Variants in KIRREL3 observed in about 807,000 individuals in gnomAD.
KIRREL3 encodes kin of IRRE-like protein 3.
In KIRREL3, 36 loss-of-function variants were observed where a neutral mutation model predicts 89.7. That is an observed-to-expected ratio of 0.40 (90% CI 0.31 to 0.53). The LOEUF is 0.53. Ranked by LOEUF, KIRREL3 falls within the 20% of genes least tolerant of loss-of-function variation. The probability of loss-of-function intolerance (pLI) is 0.49; values close to 1 mark genes in which losing one functional copy is unlikely to be tolerated. For missense variants in KIRREL3, 864 were observed against 1,056.6 expected (o/e 0.82, Z 2.53); for synonymous variants, 445 against 441.4 (o/e 1.01, Z -0.10).
chr11:126,836,260 CT>C (rs755487448), intron 1 of KIRREL3, among the ~76,000 whole-genome samples: 2 of 152,186 alleles, frequency 1.3e-5, no homozygotes, highest in Non-Finnish European at 2.9e-5. Flanking sequence ...AATGTGGTCT[CT>C]TGAGAGACCT....
At position 126,581,837 on chromosome 11, in the gene KIRREL3, G is replaced by A. The variant is rs114935799; in HGVS notation, c.56-18925C>T. 5.8e-3 allele frequency among the ~76,000 whole-genome samples: 889 copies of A among 152,274 alleles called. 5 individuals are homozygous for A. The highest frequency in any genetic ancestry group is 0.02 in the African/African-American group (845 of 41,542). ...CACCTCACACACGAGAGGCTCTGCT[G>A]TCCTGACGTGGCACGGAAGGGAATG... On this transcript the variant is annotated intron_variant, in intron 1 of 16. Coordinates refer to ENST00000525144, the MANE Select transcript of KIRREL3 (RefSeq NM_032531.4).
intron 1 of KIRREL3, among the ~76,000 whole-genome samples, chr11:126,662,515 T>G (rs1945453242): frequency 6.6e-6 from 1 of 152,198 alleles, no homozygotes; most frequent in African/African-American, 2.4e-5. Flanking sequence ...GTGAGGGCCT[T>G]CTTGCTGCAT....
chr11:126,900,105 C>A lies in KIRREL3; in HGVS notation c.55+100350G>T, dbSNP rs183924147. On this transcript the variant is annotated intron_variant, in intron 1 of 16. Coordinates refer to ENST00000525144, the MANE Select transcript of KIRREL3 (RefSeq NM_032531.4). The surrounding 1 kb of genome is among the most constrained non-coding windows in gnomAD (Gnocchi z 4.4). ...TCTGCTCTCCAAATCAATTGTTTTGCACAATGGAGACACACTCCTTGGGTC... is the reference window on the plus strand; with the variant it reads ...TCTGCTCTCCAAATCAATTGTTTTGAACAATGGAGACACACTCCTTGGGTC... 1.3e-5 allele frequency among the ~76,000 whole-genome samples: 2 copies of A among 152,252 alleles called. No individual in the cohort carries two copies. Among genetic ancestry groups the A allele is most frequent in the Non-Finnish European group, 2.9e-5 (2 of 68,012 alleles).
In KIRREL3 at chr11:127,000,312, A is replaced by G. The variant is rs753095199; in HGVS notation, c.55+143T>C. ...TTGCATTCGCAAAGGCGAAGAGGCAATGCCAGAGCATCTCAGCCCGGCACC... is the reference window on the plus strand; with the variant it reads ...TTGCATTCGCAAAGGCGAAGAGGCAGTGCCAGAGCATCTCAGCCCGGCACC... On this transcript the variant is annotated intron_variant, in intron 1 of 16. Transcript: ENST00000525144. This position sits in a 1 kb window ranked among gnomAD's most constrained non-coding sequence, Gnocchi z 7.1. 3.5e-5 allele frequency: 22 copies of G among 632,936 alleles called. No homozygotes were observed. Among genetic ancestry groups the G allele is most frequent in the Non-Finnish European group, 5.2e-5 (19 of 368,588 alleles). The allele number at this position is 632,936 out of a possible 1,614,324, so 39.2% of individuals were successfully genotyped here.
intron 1 of KIRREL3, among the ~76,000 whole-genome samples, chr11:126,692,056 T>C (rs1169351730): frequency 6.6e-6 from 1 of 152,184 alleles, no homozygotes; most frequent in East Asian, 1.9e-4. Context: ...TTGGGACCCT[T>C]GTGCACTGTT....
intron 1 of KIRREL3, among the ~76,000 whole-genome samples, chr11:126,818,751 C>T (rs1951669089): frequency 6.6e-6 from 1 of 151,760 alleles, no homozygotes; most frequent in African/African-American, 2.4e-5. Context: ...TGCAAACACT[C>T]TGTCTTCTCC....
rs1312478136 is a variant in KIRREL3 at position 126,892,680 on chromosome 11, T to C, written c.55+107775A>G. Among the ~76,000 whole-genome samples the C allele has an allele frequency of 6.6e-6, 1 of 152,186 alleles. No individual in the cohort carries two copies. The highest frequency in any genetic ancestry group is 6.5e-5 in the Admixed American group (1 of 15,284). On this transcript the variant is annotated intron_variant, in intron 1 of 16. Transcript: ENST00000525144. The surrounding 1 kb of genome is among the most constrained non-coding windows in gnomAD (Gnocchi z 5.4). Reference sequence around the variant, plus strand: ...TGGAGGCATGACCCCTTTTCTCTGGTTGATTTCATCTCCAGTAGCCAAGTA... The same window carrying C: ...TGGAGGCATGACCCCTTTTCTCTGGCTGATTTCATCTCCAGTAGCCAAGTA...
Position 126,918,956 on chromosome 11 carries a change from TATAAG to T in KIRREL3, c.55+81494_55+81498del, listed in dbSNP as rs1466239101. 2.0e-5 allele frequency among the ~76,000 whole-genome samples: 3 copies of T among 146,974 alleles called. No homozygotes were observed. The highest frequency in any genetic ancestry group is 7.0e-5 in the Admixed American group (1 of 14,334). ...CGTCATATGTTATAACATCATATGT[TATAAG>T]ATATGTATTGTTACATCATATTATA... On this transcript the variant is annotated intron_variant, in intron 1 of 16. Coordinates refer to ENST00000525144, the MANE Select transcript of KIRREL3 (RefSeq NM_032531.4). This position sits in a 1 kb window ranked among gnomAD's most constrained non-coding sequence, Gnocchi z 6.5.
At chr11:126,833,715 C>T (rs1026484440) in intron 1 of KIRREL3, among the ~76,000 whole-genome samples, 2 of 152,238 alleles carry the variant, frequency 1.3e-5, no homozygotes, top group Non-Finnish European at 2.9e-5. Flanking sequence ...GCTGCAGACA[C>T]ACACAGCTCC....
At chr11:127,002,490 G>A (rs1950332216), upstream of KIRREL3, among the ~76,000 whole-genome samples, 5 of 152,112 alleles carry the variant, frequency 3.3e-5, no homozygotes. Context: ...AAATGGAAGA[G>A]GCAAATCAAA....
intron 1 of KIRREL3, among the ~76,000 whole-genome samples, chr11:126,794,711 A>G (rs541012793): frequency 6.6e-6 from 1 of 152,352 alleles, no homozygotes; most frequent in Admixed American, 6.5e-5. Context: ...AACGAAACAG[A>G]GTCTTACCAT....
At chr11:126,823,489 G>T (rs1943295351) in intron 1 of KIRREL3, among the ~76,000 whole-genome samples, 1 of 152,028 alleles carries the variant, frequency 6.6e-6, no homozygotes, top group Non-Finnish European at 1.5e-5. Flanking sequence ...TTTGAATCCT[G>T]GTCAGAATGG....
At chr11:126,506,353 A>G (rs1038262254) in intron 4 of KIRREL3, among the ~76,000 whole-genome samples, 2 of 152,260 alleles carry the variant, frequency 1.3e-5, no homozygotes, top group East Asian at 3.8e-4. Context: ...TGCAAGTCGT[A>G]TATCTGGTAA....
chr11:126,992,774 G>A (rs573261635), intron 1 of KIRREL3, among the ~76,000 whole-genome samples: 2 of 152,312 alleles, frequency 1.3e-5, no homozygotes, highest in South Asian at 4.1e-4. Flanking sequence ...CATCTTCAAT[G>A]TTAGGCTGCC....
At position 126,987,475 on chromosome 11, in the gene KIRREL3, G is replaced by A. The variant is rs1949899143; in HGVS notation, c.55+12980C>T. Among the ~76,000 whole-genome samples the A allele has an allele frequency of 6.6e-6, 1 of 152,154 alleles. No homozygotes were observed. Among genetic ancestry groups the A allele is most frequent in the South Asian group, 2.1e-4 (1 of 4,828 alleles). On this transcript the variant is annotated intron_variant, in intron 1 of 16. Transcript: ENST00000525144. This position sits in a 1 kb window ranked among gnomAD's most constrained non-coding sequence, Gnocchi z 4.6. Reference sequence around the variant, plus strand: ...GGAGAGGTAAGTGTTCAGATTTTCTGGTTGGTATGTCTTGATTCTGACCAG... The same window carrying A: ...GGAGAGGTAAGTGTTCAGATTTTCTAGTTGGTATGTCTTGATTCTGACCAG...
intron 2 of KIRREL3, among the ~76,000 whole-genome samples, chr11:126,552,910 A>G (rs1218380506): frequency 6.6e-6 from 1 of 152,108 alleles, no homozygotes; most frequent in Non-Finnish European, 1.5e-5. Context: ...AGAAAAAAAT[A>G]GTCATTATAC....
Position 126,565,264 on chromosome 11 carries a change from C to T in KIRREL3, c.56-2352G>A, listed in dbSNP as rs1481772301. Among the ~76,000 whole-genome samples the T allele has an allele frequency of 6.6e-6, 1 of 152,160 alleles. No individual in the cohort carries two copies. Among genetic ancestry groups the T allele is most frequent in the Non-Finnish European group, 1.5e-5 (1 of 68,022 alleles). On this transcript the variant is annotated intron_variant, in intron 1 of 16. Transcript: ENST00000525144. This position sits in a 1 kb window ranked among gnomAD's most constrained non-coding sequence, Gnocchi z 5.4. ...TGTCTTAGTTGGATAGAGAACTCAA[C>T]CTCTCCTATGCCACATACTAGGACA... is the stretch of plus-strand genomic sequence containing the variant.
At chr11:126,588,771 G>A (rs79125199) in intron 1 of KIRREL3, among the ~76,000 whole-genome samples, 3,648 of 152,278 alleles carry the variant, frequency 0.024, 151 homozygotes, top group African/African-American at 0.082. Context: ...AGCACCTAGA[G>A]CACAGCTTGG....
chr11:126,885,785 T>C (rs928613473), intron 1 of KIRREL3, among the ~76,000 whole-genome samples: 13 of 152,190 alleles, frequency 8.5e-5, no homozygotes, highest in Non-Finnish European at 1.9e-4. Flanking sequence ...CATGCCCCAC[T>C]GTGCTGTCTA....
Sources: gnomAD v4.1 joint callset for allele counts (sites outside exome capture counted in the v4.1 genomes callset) on GRCh38, gnomAD v4.1.1 for gene constraint, Gnocchi (gnomAD v3.1) non-coding constraint, MANE v1.5 for transcripts, NCBI Gene and HGNC (gene_info 2026-07-23, HGNC 2026-07-21) for gene names.